RBFOX3: variants seen among roughly 807,000 people sequenced by gnomAD.
The protein encoded by RBFOX3 is RNA binding protein fox-1 homolog 3.
Under a neutral mutation model 48.7 loss-of-function variants are expected in RBFOX3, and 17 were observed. That is an observed-to-expected ratio of 0.35 (90% CI 0.24 to 0.52). The LOEUF is 0.52. RBFOX3 is among the 20% of genes least tolerant of loss of function. The pLI, the probability that RBFOX3 is intolerant of heterozygous loss-of-function variation, is 0.94. For synonymous variants in RBFOX3, 212 were observed against 209.5 expected, an observed-to-expected ratio of 1.01 and a Z score of -0.10; for missense variants, 382 against 497.5, an observed-to-expected ratio of 0.77 and a Z score of 2.21.
At chr17:79,541,042 T>C (rs2089622847) in intron 1 of RBFOX3, among the ~76,000 whole-genome samples, 1 of 152,122 alleles carries the variant, frequency 6.6e-6, no homozygotes, top group Non-Finnish European at 1.5e-5. Context: ...AGACGAGACA[T>C]TAGCGTTACA....
At chr17:79,318,347 T>G (rs1165095794) in intron 2 of RBFOX3, among the ~76,000 whole-genome samples, 3 of 152,126 alleles carry the variant, frequency 2.0e-5, no homozygotes, top group African/African-American at 7.2e-5. Context: ...ATGAAACTGC[T>G]GGGGGCAGAG....
chr17:79,200,393 G>A (rs1326622650), intron 4 of RBFOX3, among the ~76,000 whole-genome samples: 1 of 152,278 alleles, frequency 6.6e-6, no homozygotes, highest in African/African-American at 2.4e-5. Flanking sequence ...GGGGCCACCA[G>A]CTGTCACTCA....
Position 79,478,061 on chromosome 17 carries a change from G to A in RBFOX3, c.-175+4393C>T, listed in dbSNP as rs370664226. Among the ~76,000 whole-genome samples the A allele has an allele frequency of 2.9e-3, 449 of 152,236 alleles. 2 individuals carry two copies. The highest frequency in any genetic ancestry group is 8.5e-3 in the African/African-American group (355 of 41,558). ...ATGAAGCCATGATCCCCCTCTCCCC[G>A]CTGCCAAGCAACGCTCATGTGCTCC... is the stretch of plus-strand genomic sequence containing the variant. On this transcript the variant is annotated intron_variant, in intron 2 of 14. Transcript: ENST00000693108.
intron 3 of RBFOX3, among the ~76,000 whole-genome samples, chr17:79,300,922 T>C (rs1323290277): frequency 2.6e-5 from 4 of 152,178 alleles, no homozygotes; most frequent in African/African-American, 7.2e-5. Context: ...ACAAAGCTTT[T>C]ATAAACAAAG....
intron 2 of RBFOX3, among the ~76,000 whole-genome samples, chr17:79,429,018 C>T (rs1281079843): frequency 3.3e-5 from 5 of 152,218 alleles, no homozygotes; most frequent in Admixed American, 2.6e-4. Context: ...AGTGACTCCC[C>T]CAGAGAGACT....
rs901777247 is a variant in RBFOX3, at chr17:79,482,928, G to A, written c.-319-330C>T. On this transcript the variant is annotated intron_variant, in intron 1 of 14. Transcript: ENST00000693108. This position sits in a 1 kb window ranked among gnomAD's most constrained non-coding sequence, Gnocchi z 4.1. ...CCCAGGGACTCTTCCACCCCACCAC[G>A]CTGGCCCCTCCCCATCGCCTTTCCC... Among the ~76,000 whole-genome samples the A allele has an allele frequency of 1.3e-5, 2 of 151,196 alleles. No individual in the cohort carries two copies. The highest frequency in any genetic ancestry group is 2.9e-5 in the Non-Finnish European group (2 of 67,842).
At chr17:79,331,977 TCTAGA>T (rs1452106652) in intron 2 of RBFOX3, among the ~76,000 whole-genome samples, 2 of 152,200 alleles carry the variant, frequency 1.3e-5, no homozygotes, top group Non-Finnish European at 2.9e-5. Flanking sequence ...TTCCTGCTGC[TCTAGA>T]CTATTCTGTT....
intron 2 of RBFOX3, among the ~76,000 whole-genome samples, chr17:79,417,828 C>T (rs1451497940): frequency 2.6e-5 from 4 of 152,214 alleles, no homozygotes; most frequent in Non-Finnish European, 4.4e-5. Context: ...CCAGTGTCCA[C>T]GGATGGACGA....
intron 4 of RBFOX3, among the ~76,000 whole-genome samples, chr17:79,166,502 G>C (rs1764177798): frequency 6.6e-6 from 1 of 152,128 alleles, no homozygotes; most frequent in South Asian, 2.1e-4. Context: ...CCCACGGGGA[G>C]CTGAGATGGG....
intron 1 of RBFOX3, among the ~76,000 whole-genome samples, chr17:79,500,388 G>T (rs1424420733): frequency 6.6e-6 from 1 of 151,420 alleles, no homozygotes; most frequent in African/African-American, 2.4e-5. Flanking sequence ...CTCCTGAGTA[G>T]CTGGGATTAC....
At chr17:79,581,527 C>T (rs1167359737) in intron 1 of RBFOX3, among the ~76,000 whole-genome samples, 1 of 152,242 alleles carries the variant, frequency 6.6e-6, no homozygotes, top group South Asian at 2.1e-4. Context: ...TCCATGCACA[C>T]GTGAATCATG....
rs1415891739 is a variant in RBFOX3, at chr17:79,191,720, G to A, written c.-34+44046C>T. On this transcript the variant is annotated intron_variant, in intron 4 of 14. Transcript: ENST00000693108. ...TTGTCCCAGGACTCAAGGGAGTGGG[G>A]ACGAGCATATCTGCCAGGAAGCAAA... Among the ~76,000 whole-genome samples the A allele has an allele frequency of 2.0e-5, 3 of 152,210 alleles. No homozygotes were observed. In the East Asian group the frequency reaches 5.8e-4, roughly 29 times the overall value.
rs992186015 is a variant in RBFOX3 at position 79,095,566 on chromosome 17, G to A, written c.945C>T (p.Tyr315=). Residue 315 remains tyrosine (Y), a synonymous_variant, in exon 13 of 15, where the codon TAC becomes TAT. Transcript: ENST00000693108. The part of the protein sequence containing the change: ...GFYGAEIYGG[Y]AAYRYAQPAA... ...CGGGCTGAGCGTATCTGTAGGCTGCGTAGCCTCCCTGCAGGGTAAGTGGGA... is the reference window on the plus strand; with the variant it reads ...CGGGCTGAGCGTATCTGTAGGCTGCATAGCCTCCCTGCAGGGTAAGTGGGA... The A allele has an allele frequency of 6.1e-5, 94 of 1,551,248 alleles. No individual in the cohort carries two copies. Among genetic ancestry groups the A allele is most frequent in the African/African-American group, 1.8e-4 (13 of 73,166 alleles).
At chr17:79,620,402 C>T in the RBFOX3 span, among the ~76,000 whole-genome samples, 2 of 150,652 alleles carry the variant, frequency 1.3e-5, no homozygotes, top group African/African-American at 4.9e-5. Context: ...TGCCCACATG[C>T]ACACACACGG....
intron 2 of RBFOX3, among the ~76,000 whole-genome samples, chr17:79,394,330 G>A (rs932546670): frequency 6.6e-6 from 1 of 152,232 alleles, no homozygotes. Context: ...ACTCCCCACA[G>A]TGCAGAGTGA....
chr17:79,604,771 C>A lies in RBFOX3; in HGVS notation c.-320+6055G>T, dbSNP rs974745809. Among the ~76,000 whole-genome samples, 326 of 152,290 alleles carry A rather than the reference C, an allele frequency of 2.1e-3. 13 individuals carry two copies. In the East Asian group the frequency reaches 0.057, roughly 27 times the overall value. On this transcript the variant is annotated intron_variant, in intron 1 of 14. Transcript: ENST00000693108. ...GTGGACCTTCCTAATACAAGGAAAC[C>A]CTATGTCCTTTGGCTCCAAAAGAGG...
At chr17:79,095,607 G>A (rs747150512) in intron 12 of RBFOX3, 33 bp from the exon 13 acceptor site, 2 of 1,535,372 alleles carry the variant, frequency 1.3e-6, no homozygotes, top group South Asian at 2.4e-5. Flanking sequence ...GAGAGCAGAG[G>A]GACTTAGTGG....
In RBFOX3 at chr17:79,586,829, C is replaced by T. The variant is rs944951976; in HGVS notation, c.-320+23997G>A. ...CAAATGCTACGTTTTCCTCTGATGG[C>T]AGCCAGGGCATTTGATTGCATGAGA... On this transcript the variant is annotated intron_variant, in intron 1 of 14. Transcript: ENST00000693108. 7.9e-5 allele frequency among the ~76,000 whole-genome samples: 12 copies of T among 152,324 alleles called. No homozygotes were observed. In the East Asian group the frequency reaches 2.1e-3, roughly 27 times the overall value.
rs181564461 is a variant in RBFOX3 at position 79,387,969 on chromosome 17, C to T, written c.-174-80145G>A. On this transcript the variant is annotated intron_variant, in intron 2 of 14. Transcript: ENST00000693108. ...GTGTGCATGTACATGCATGTGTGAA[C>T]GTGTACCTGTGTGTGCATGTGTGAA... Among the ~76,000 whole-genome samples, 1,252 of 151,268 alleles carry T rather than the reference C, an allele frequency of 8.3e-3. 19 individuals carry two copies. Among genetic ancestry groups the T allele is most frequent in the African/African-American group, 0.029 (1,190 of 41,244 alleles).
Sources: allele counts gnomAD v4.1 joint callset (sites outside exome capture counted in the v4.1 genomes callset), GRCh38; gene constraint gnomAD v4.1.1; non-coding constraint Gnocchi (gnomAD v3.1); transcripts MANE v1.5; gene names NCBI Gene and HGNC (gene_info 2026-07-23, HGNC 2026-07-21).